The following VTI1A variants were observed in gnomAD, a reference collection of about 807,000 sequenced individuals.
The protein encoded by VTI1A is vesicle transport through interaction with t-SNAREs 1A, also known as vesicle transport through interaction with t-SNAREs homolog 1A.
A neutral mutation model predicts 34.9 loss-of-function variants in VTI1A; 22 were observed. That is an observed-to-expected ratio of 0.63 (90% CI 0.45 to 0.90). The LOEUF is 0.90. Among genes scored for constraint, VTI1A ranks in the 40% least tolerant of loss-of-function variants. The pLI, the probability that VTI1A is intolerant of heterozygous loss-of-function variation, is 0.00. For missense variants in VTI1A, 268 were observed against 275.6 expected (o/e 0.97, Z 0.20); for synonymous variants, 87 against 97.3 (o/e 0.89, Z 0.62).
intron 7 of VTI1A, among the ~76,000 whole-genome samples, chr10:112,777,842 C>T (rs908371599): frequency 2.0e-5 from 3 of 152,170 alleles, no homozygotes; most frequent in African/African-American, 7.2e-5. Context: ...GTGGCTCACG[C>T]CTGTAATCCT....
In VTI1A at chr10:112,447,265, G is replaced by C; in HGVS notation, c.-109G>C. On this transcript the variant is annotated 5_prime_UTR_variant, in exon 1 of 8. Coordinates refer to ENST00000393077, the MANE Select transcript of VTI1A (RefSeq NM_145206.4). The stretch of plus-strand genomic sequence containing the variant: ...AGAGCTGTCCCCGGTTCTCCGTTCT[G>C]CTCTCGGGGGCACCTTCCGGGGTTC... 2 of 1,208,138 alleles carry C rather than the reference G, an allele frequency of 1.7e-6. No homozygotes were observed. The highest frequency in any genetic ancestry group is 2.3e-6 in the Non-Finnish European group (2 of 856,568). The allele number at this position is 1,208,138 out of a possible 1,614,324, so 74.8% of individuals were successfully genotyped here.
At chr10:112,825,984 A>G in the VTI1A span, 1 of 152,236 alleles carries the variant, frequency 6.6e-6, no homozygotes, top group Non-Finnish European at 1.5e-5. Flanking sequence ...TTAACTAGCA[A>G]ATTTAAAACA....
chr10:112,524,462 C>T (rs1850146956), intron 3 of VTI1A, among the ~76,000 whole-genome samples: 1 of 151,998 alleles, frequency 6.6e-6, no homozygotes, highest in African/African-American at 2.4e-5. Context: ...TTAATTATAT[C>T]CAGAAAGCCA....
Position 112,506,026 on chromosome 10 carries a change from T to A in VTI1A, c.265-21061T>A, listed in dbSNP as rs573101096. On this transcript the variant is annotated intron_variant, in intron 3 of 7. Coordinates refer to ENST00000393077, the MANE Select transcript of VTI1A (RefSeq NM_145206.4). ...AAATAAAATTAATAATAGGTATGTA[T>A]ATACAGTCATGTGTTGCTTAACGAC... 3.3e-5 allele frequency among the ~76,000 whole-genome samples: 5 copies of A among 152,290 alleles called. No individual in the cohort carries two copies. In the South Asian group the frequency reaches 1.0e-3, roughly 32 times the overall value.
chr10:112,495,569 A>G (rs144475342), intron 3 of VTI1A, among the ~76,000 whole-genome samples: 17 of 152,288 alleles, frequency 1.1e-4, no homozygotes, highest in Middle Eastern at 3.4e-3. Context: ...ACGTGTTTTA[A>G]ATTTGAGATA....
chr10:112,743,831 AT>A (rs1478068074), intron 7 of VTI1A, among the ~76,000 whole-genome samples: 1 of 152,224 alleles, frequency 6.6e-6, no homozygotes, highest in Non-Finnish European at 1.5e-5. Context: ...GAAATAAAAA[AT>A]ATAGGACATA....
chr10:112,596,479 A>G (rs955478517), intron 5 of VTI1A, among the ~76,000 whole-genome samples: 1 of 152,128 alleles, frequency 6.6e-6, no homozygotes, highest in Non-Finnish European at 1.5e-5. Context: ...GGTTTTTAAA[A>G]CTATTTAACT....
intron 6 of VTI1A, 52 bp from the exon 7 acceptor site, chr10:112,668,885 T>C (rs2133836244): frequency 2.5e-6 from 4 of 1,588,284 alleles, no homozygotes; most frequent in South Asian, 1.1e-5. Context: ...CCATGCACTT[T>C]AGAAATAATC....
At chr10:112,802,949 T>C (rs1852927217) in intron 7 of VTI1A, among the ~76,000 whole-genome samples, 1 of 152,202 alleles carries the variant, frequency 6.6e-6, no homozygotes, top group South Asian at 2.1e-4. Flanking sequence ...CGAAATTGAG[T>C]AATCTTGGTT....
intron 5 of VTI1A, among the ~76,000 whole-genome samples, chr10:112,648,045 C>T (rs907594015): frequency 6.6e-6 from 1 of 152,218 alleles, no homozygotes; most frequent in Non-Finnish European, 1.5e-5. Flanking sequence ...GCTGGGATTA[C>T]AGGCGTGAGC....
At chr10:112,609,141 A>G (rs1845198772) in intron 5 of VTI1A, among the ~76,000 whole-genome samples, 1 of 152,200 alleles carries the variant, frequency 6.6e-6, no homozygotes, top group Non-Finnish European at 1.5e-5. Flanking sequence ...ACGTTTTAAG[A>G]AGTTCCTCTT....
At chr10:112,546,071 T>TATACGTGTATACGCGTATGTGTGC (rs1564821520) in intron 5 of VTI1A, among the ~76,000 whole-genome samples, 1 of 148,174 alleles carries the variant, frequency 6.7e-6, no homozygotes, top group Non-Finnish European at 1.5e-5. Context: ...TATGTGTGTG[T>TATACGTGTATACGCGTATGTGTGC]ATATACGTGT....
At chr10:112,663,575 A>G (rs1208517488) in intron 5 of VTI1A, among the ~76,000 whole-genome samples, 1 of 152,172 alleles carries the variant, frequency 6.6e-6, no homozygotes, top group African/African-American at 2.4e-5. Flanking sequence ...CCATTGTGAT[A>G]TTTTTCCAGA....
chr10:112,831,420 C>G, the VTI1A span: 4 of 152,210 alleles, frequency 2.6e-5, no homozygotes, highest in African/African-American at 9.6e-5. Flanking sequence ...TCAGGTGCTT[C>G]TCAAGTGTTT....
the VTI1A span, among the ~76,000 whole-genome samples, chr10:112,833,743 G>A: frequency 2.0e-5 from 3 of 152,068 alleles, no homozygotes; most frequent in Admixed American, 2.0e-4. Flanking sequence ...TTCTCCTTGG[G>A]GCATCAAAGT....
chr10:112,757,246 G>A (rs1483499228), intron 7 of VTI1A, among the ~76,000 whole-genome samples: 7 of 151,830 alleles, frequency 4.6e-5, no homozygotes, highest in African/African-American at 1.7e-4. Flanking sequence ...TGAGTGCTGG[G>A]AGGGAAGAGG....
chr10:112,851,409 C>T, the VTI1A span, among the ~76,000 whole-genome samples: 1 of 152,212 alleles, frequency 6.6e-6, no homozygotes, highest in African/African-American at 2.4e-5. Flanking sequence ...TCATATGCTT[C>T]TTCCCCTGCC....
intron 5 of VTI1A, among the ~76,000 whole-genome samples, chr10:112,650,925 A>T (rs771634116): frequency 3.1e-4 from 47 of 152,220 alleles, no homozygotes; most frequent in Non-Finnish European, 6.6e-4. Context: ...CCTATGATTC[A>T]TACTATTCTC....
chr10:112,539,044 CTGTT>C (rs970689236), intron 5 of VTI1A, among the ~76,000 whole-genome samples: 24 of 152,150 alleles, frequency 1.6e-4, no homozygotes, highest in African/African-American at 5.1e-4. Context: ...CATGCAATGA[CTGTT>C]TGTCTCCAGA....
Sources: gnomAD v4.1 joint callset for allele counts (sites outside exome capture counted in the v4.1 genomes callset) on GRCh38, gnomAD v4.1.1 for gene constraint, MANE v1.5 for transcripts, NCBI Gene and HGNC (gene_info 2026-07-23, HGNC 2026-07-21) for gene names.